The following SLC39A11 variants were observed in gnomAD, a reference collection of about 807,000 sequenced individuals.
SLC39A11 encodes the protein zinc transporter ZIP11.
In SLC39A11, 33 loss-of-function variants were observed where a neutral mutation model predicts 36.1. The ratio of observed to expected loss-of-function variants is 0.91; its 90% CI spans 0.69 to 1.22. The LOEUF (loss-of-function observed/expected upper bound fraction) is 1.22, where lower values mean the gene tolerates loss of function less well. Among genes scored for constraint, SLC39A11 ranks in the 50% most tolerant of loss-of-function variants. The pLI is 0.00. For synonymous variants in SLC39A11, 166 were observed against 170.3 expected, an observed-to-expected ratio of 0.97 and a Z score of 0.20; for missense variants, 432 against 430.3, an observed-to-expected ratio of 1.00 and a Z score of -0.03.
intron 5 of SLC39A11, among the ~76,000 whole-genome samples, chr17:72,883,657 T>G (rs766213347): frequency 6.6e-5 from 10 of 152,174 alleles, no homozygotes; most frequent in Non-Finnish European, 1.2e-4. Context: ...CATTCATTTG[T>G]AAGGGAGAAA....
At chr17:73,036,447 T>TG (rs1213743873) in intron 3 of SLC39A11, among the ~76,000 whole-genome samples, 2 of 151,820 alleles carry the variant, frequency 1.3e-5, no homozygotes, top group Non-Finnish European at 2.9e-5. Flanking sequence ...TTTTTTGTTT[T>TG]TTTTCTTTGC....
chr17:72,929,081 C>T (rs6501583), intron 5 of SLC39A11, among the ~76,000 whole-genome samples: 82,691 of 151,852 alleles, frequency 0.54, 24,484 homozygotes, highest in African/African-American at 0.79. Context: ...GGTACCCCTT[C>T]CTCTACACAG....
intron 3 of SLC39A11, among the ~76,000 whole-genome samples, chr17:73,084,414 G>A (rs985359799): frequency 1.5e-5 from 2 of 135,054 alleles, no homozygotes; most frequent in Non-Finnish European, 3.1e-5. Context: ...CTCTAGCCTG[G>A]GTGACAGGGT....
intron 6 of SLC39A11, among the ~76,000 whole-genome samples, chr17:72,762,275 C>A (rs2075611548): frequency 6.6e-6 from 1 of 152,214 alleles, no homozygotes. Flanking sequence ...GCAGCCAAAA[C>A]CCTCCAAAAC....
chr17:72,660,723 A>C (rs770990115), intron 7 of SLC39A11, among the ~76,000 whole-genome samples: 27 of 152,198 alleles, frequency 1.8e-4, no homozygotes, highest in Non-Finnish European at 3.5e-4. Context: ...TGCCATCCAC[A>C]GCGGGATTTC....
intron 1 of SLC39A11, among the ~76,000 whole-genome samples, chr17:73,090,097 C>T (rs950863630): frequency 2.0e-5 from 3 of 152,294 alleles, no homozygotes; most frequent in African/African-American, 7.2e-5. Context: ...CCTGCCAGTT[C>T]CCGGTGCTCT....
Position 72,989,869 on chromosome 17 carries a change from C to T in SLC39A11, c.306+41687G>A, listed in dbSNP as rs1416198662. 3.3e-5 allele frequency among the ~76,000 whole-genome samples: 5 copies of T among 152,312 alleles called. No individual in the cohort carries two copies. The East Asian group carries it at 9.6e-4, about 29-fold the overall frequency. On this transcript the variant is annotated intron_variant, in intron 4 of 9. Coordinates refer to ENST00000255559, the MANE Select transcript of SLC39A11 (RefSeq NM_139177.4). ...GAAACTTATTTAGGGACATAACTGT[C>T]ACCTAGGATAAAATGACTGCTCTCG...
intron 4 of SLC39A11, among the ~76,000 whole-genome samples, chr17:72,982,260 A>G (rs1413278766): frequency 6.6e-6 from 1 of 152,214 alleles, no homozygotes; most frequent in African/African-American, 2.4e-5. Context: ...GCAACTTGAG[A>G]ATTTCTGTAA....
intron 3 of SLC39A11, among the ~76,000 whole-genome samples, chr17:73,043,688 A>G (rs2059180617): frequency 6.6e-6 from 1 of 152,200 alleles, no homozygotes; most frequent in African/African-American, 2.4e-5. Flanking sequence ...GATGTGACAC[A>G]GGGCAGGAGA....
At chr17:72,667,255 C>T (rs994449239) in intron 7 of SLC39A11, among the ~76,000 whole-genome samples, 2 of 152,102 alleles carry the variant, frequency 1.3e-5, no homozygotes, top group African/African-American at 4.8e-5. Context: ...GCGGCATCTC[C>T]GTATGACTCA....
At position 72,951,261 on chromosome 17, in the gene SLC39A11, C is replaced by CAAAAAAAAA. The variant is rs61453793; in HGVS notation, c.307-3395_307-3387dup. Among the ~76,000 whole-genome samples the CAAAAAAAAA allele has an allele frequency of 6.7e-3, 581 of 86,894 alleles. 17 individuals carry two copies. Among genetic ancestry groups the CAAAAAAAAA allele is most frequent in the Middle Eastern group, 0.023 (3 of 128 alleles). The allele number at this position is 86,894 out of a possible 152,430, so 57.0% of individuals were successfully genotyped here. On this transcript the variant is annotated intron_variant, in intron 4 of 9. Coordinates refer to ENST00000255559, the MANE Select transcript of SLC39A11 (RefSeq NM_139177.4). Reference sequence around the variant, plus strand: ...TGGGCAACGGAGAGTGACCCTGTTGCAAAAAAAAAAAAAAAAAGCCAGCAA... The same window carrying CAAAAAAAAA: ...TGGGCAACGGAGAGTGACCCTGTTGCAAAAAAAAAAAAAAAAAAAAAAAAAAGCCAGCAA...
intron 3 of SLC39A11, among the ~76,000 whole-genome samples, chr17:73,054,524 T>G (rs150758911): frequency 6.6e-6 from 1 of 151,886 alleles, no homozygotes; most frequent in Non-Finnish European, 1.5e-5. Flanking sequence ...TGCTTCTAGT[T>G]TGGGGAGGAA....
In SLC39A11 at chr17:73,030,499, T is replaced by C. The variant is rs142615633; in HGVS notation, c.306+1057A>G. Among the ~76,000 whole-genome samples, 420 of 152,314 alleles carry C rather than the reference T, an allele frequency of 2.8e-3. 3 individuals carry two copies. Among genetic ancestry groups the C allele is most frequent in the African/African-American group, 9.8e-3 (406 of 41,560 alleles). ...GAAGGCAGGGAAGAGAACTTCAACC[T>C]ACCTACCTCCCGGGGTACATGACCA... On this transcript the variant is annotated intron_variant, in intron 4 of 9. Coordinates refer to ENST00000255559, the MANE Select transcript of SLC39A11 (RefSeq NM_139177.4).
At chr17:72,742,795 T>C (rs138049680) in intron 6 of SLC39A11, among the ~76,000 whole-genome samples, 85 of 152,296 alleles carry the variant, frequency 5.6e-4, no homozygotes, top group African/African-American at 1.8e-3. Context: ...AAAATTACAA[T>C]AGAGAATGTC....
chr17:72,918,561 G>T (rs534058886), intron 5 of SLC39A11, among the ~76,000 whole-genome samples: 1 of 152,262 alleles, frequency 6.6e-6, no homozygotes, highest in African/African-American at 2.4e-5. Flanking sequence ...TGGGAGGAAA[G>T]TGAGTCTATT....
chr17:73,000,960 T>G (rs751027365), intron 4 of SLC39A11, among the ~76,000 whole-genome samples: 1 of 152,224 alleles, frequency 6.6e-6, no homozygotes, highest in Non-Finnish European at 1.5e-5. Context: ...GCTTCTTCAC[T>G]GTGGCAGCCG....
At chr17:72,985,086 T>C (rs1434486448) in intron 4 of SLC39A11, among the ~76,000 whole-genome samples, 1 of 152,222 alleles carries the variant, frequency 6.6e-6, no homozygotes, top group East Asian at 1.9e-4. Context: ...CAGTAAGTTG[T>C]CTGGGGCCAC....
chr17:72,729,455 A>ATTTTTTTTT (rs2074122456), intron 7 of SLC39A11, among the ~76,000 whole-genome samples: 2 of 6,616 alleles, frequency 3.0e-4, no homozygotes, highest in African/African-American at 8.2e-4. Context: ...ATATATATAT[A>ATTTTTTTTT]TATTTTTTTT....
At chr17:73,090,035 T>C (rs1041131048) in intron 1 of SLC39A11, among the ~76,000 whole-genome samples, 1 of 152,164 alleles carries the variant, frequency 6.6e-6, no homozygotes. Flanking sequence ...ATCTCCCTGA[T>C]GGTCTGCCAG....
Sources: gnomAD v4.1 joint callset for allele counts (sites outside exome capture counted in the v4.1 genomes callset) on GRCh38, gnomAD v4.1.1 for gene constraint, MANE v1.5 for transcripts, NCBI Gene and HGNC (gene_info 2026-07-23, HGNC 2026-07-21) for gene names.